Variants in CCDC85C observed in about 807,000 individuals in gnomAD.
CCDC85C encodes the protein coiled-coil domain containing 85C.
A neutral mutation model predicts 38.3 loss-of-function variants in CCDC85C; 18 were observed. That is an observed-to-expected ratio of 0.47 (90% confidence interval 0.33 to 0.70). CCDC85C has a LOEUF of 0.70. Ranked by LOEUF, CCDC85C falls within the 30% of genes least tolerant of loss-of-function variation. The pLI, the probability that CCDC85C is intolerant of heterozygous loss-of-function variation, is 0.03. For synonymous variants in CCDC85C, 264 were observed against 293.8 expected (o/e 0.90, Z 1.04); for missense variants, 566 against 621.2 (o/e 0.91, Z 0.94).
intron 1 of CCDC85C, among the ~76,000 whole-genome samples, chr14:99,592,759 C>T (rs184728519): frequency 6.6e-6 from 1 of 152,276 alleles, no homozygotes; most frequent in Admixed American, 6.5e-5. Flanking sequence ...CTCTGTGTTG[C>T]TTTGGACCAG....
At position 99,603,442 on chromosome 14, in the gene CCDC85C, C is replaced by A; in HGVS notation, c.518G>T (p.Gly173Val). 1 of 1,269,138 alleles carries A rather than the reference C, an allele frequency of 7.9e-7. No homozygotes were observed. The allele number at this position is 1,269,138 out of a possible 1,614,324, so 78.6% of individuals were successfully genotyped here. The change falls in exon 1 of 6, where the codon GGC becomes GTC. Residue 173 changes from glycine (G) to valine (V), a missense_variant. Coordinates refer to ENST00000380243, the MANE Select transcript of CCDC85C (RefSeq NM_001144995.2). The surrounding 1 kb of genome is among the most constrained non-coding windows in gnomAD (Gnocchi z 7.5). ...GTCGATGGAGCTGCGGGAGCCGGCG[C>A]CGCCCCCGCCGCCGCCGCCACCGCT... Reference protein sequence around the residue: ...AASGGGGGGGGAGSRSSIDSQ... With the variant: ...AASGGGGGGGVAGSRSSIDSQ...
In CCDC85C at chr14:99,548,302, G is replaced by C. The variant is rs904878244; in HGVS notation, c.794-12214C>G. On this transcript the variant is annotated intron_variant, in intron 1 of 5. Coordinates refer to ENST00000380243, the MANE Select transcript of CCDC85C (RefSeq NM_001144995.2). The surrounding 1 kb of genome is among the most constrained non-coding windows in gnomAD (Gnocchi z 4.9). ...CCTGGATAGCCAAGAAGTCTGTGAGGAGACGCCCAACCGCAGGTGTCATCA... is the reference window on the plus strand; with the variant it reads ...CCTGGATAGCCAAGAAGTCTGTGAGCAGACGCCCAACCGCAGGTGTCATCA... Among the ~76,000 whole-genome samples the C allele has an allele frequency of 6.6e-6, 1 of 152,142 alleles. No individual in the cohort carries two copies. The highest frequency in any genetic ancestry group is 2.4e-5 in the African/African-American group (1 of 41,420).
In CCDC85C at chr14:99,558,916, AC is replaced by A. The variant is rs1362075194; in HGVS notation, c.794-22829del. Among the ~76,000 whole-genome samples the A allele has an allele frequency of 1.3e-5, 2 of 150,690 alleles. No homozygotes were observed. The highest frequency in any genetic ancestry group is 3.0e-5 in the Non-Finnish European group (2 of 67,688). The stretch of plus-strand genomic sequence containing the variant: ...GGGTGGTTTCTGATGGTTTAGTGCC[AC>A]CCCCTATTGCTGTTCTTGTGATACA... On this transcript the variant is annotated intron_variant, in intron 1 of 5. Coordinates refer to ENST00000380243, the MANE Select transcript of CCDC85C (RefSeq NM_001144995.2). The surrounding 1 kb of genome is among the most constrained non-coding windows in gnomAD (Gnocchi z 4.2).
At chr14:99,539,666 A>G (rs576548420) in intron 1 of CCDC85C, among the ~76,000 whole-genome samples, 4 of 152,324 alleles carry the variant, frequency 2.6e-5, no homozygotes, top group African/African-American at 9.6e-5. Flanking sequence ...ACACAAAATG[A>G]CATGCACAAT....
Position 99,500,913 on chromosome 14 carries a change from C to A in CCDC85C, c.*14333G>T. ...CAGAAGAATTTTTTCATTCTGAAAT[C>A]AAGTCTTTATAATTTGATGACACTC... On this transcript the variant is annotated 3_prime_UTR_variant, in exon 6 of 6. Transcript: ENST00000380243. The A allele has an allele frequency of 3.3e-6, 4 of 1,218,414 alleles. No homozygotes were observed. In the South Asian group the frequency reaches 4.1e-5, roughly 13 times the overall value. 75.5% of individuals were successfully genotyped at this position (1,218,414 alleles called of 1,614,324 possible).
rs559873312 is a variant in CCDC85C, at chr14:99,510,799, C to G, written c.*4447G>C. 29 of 1,414,160 alleles carry G rather than the reference C, an allele frequency of 2.1e-5. No individual in the cohort carries two copies. The South Asian group carries it at 3.1e-4, about 15-fold the overall frequency. The allele number at this position is 1,414,160 out of a possible 1,614,324, so 87.6% of individuals were successfully genotyped here. On this transcript the variant is annotated 3_prime_UTR_variant, in exon 6 of 6. Coordinates refer to ENST00000380243, the MANE Select transcript of CCDC85C (RefSeq NM_001144995.2). ...ATGAGATAACGTGAGCCTTTTTTCCCTCTTTGTTTTTTTAACAAGATTTTC... is the reference window on the plus strand; with the variant it reads ...ATGAGATAACGTGAGCCTTTTTTCCGTCTTTGTTTTTTTAACAAGATTTTC...
Position 99,509,130 on chromosome 14 carries a change from A to G in CCDC85C, c.*6116T>C, listed in dbSNP as rs959413865. ...TGCCAATGGCCACGTCTACCCAACC[A>G]GGATGTCGTGCTGTGCCTTGCCTAA... On this transcript the variant is annotated 3_prime_UTR_variant, in exon 6 of 6. Transcript: ENST00000380243. 6.6e-6 allele frequency: 1 copy of G among 152,240 alleles called. No individual in the cohort carries two copies. The highest frequency in any genetic ancestry group is 2.4e-5 in the African/African-American group (1 of 41,452). 9.4% of individuals were successfully genotyped at this position (152,240 alleles called of 1,614,324 possible).
At chr14:99,549,632 C>T (rs140373470) in intron 1 of CCDC85C, among the ~76,000 whole-genome samples, 116 of 152,294 alleles carry the variant, frequency 7.6e-4, no homozygotes, top group Non-Finnish European at 9.1e-4. Flanking sequence ...GGGTCTCCTG[C>T]GAGACACTGT....
rs538149762 is a variant in CCDC85C at position 99,518,365 on chromosome 14, G to A, written c.976-1182C>T. ...AGGGGGCCTGGGAGCTGCTACCTCC[G>A]GAGGCCCCCCGAGCCCTGGGGTCTA... On this transcript the variant is annotated intron_variant, in intron 3 of 5. Coordinates refer to ENST00000380243, the MANE Select transcript of CCDC85C (RefSeq NM_001144995.2). Among the ~76,000 whole-genome samples, 23 of 152,158 alleles carry A rather than the reference G, an allele frequency of 1.5e-4. No homozygotes were observed. In the East Asian group the frequency reaches 3.7e-3, roughly 24 times the overall value.
rs1452073264 is a variant in CCDC85C, at chr14:99,501,974, G to A, written c.*13272C>T. 5.1e-6 allele frequency: 2 copies of A among 389,144 alleles called. No homozygotes were observed. Among genetic ancestry groups the A allele is most frequent in the South Asian group, 4.9e-5 (1 of 20,214 alleles). 24.1% of individuals were successfully genotyped at this position (389,144 alleles called of 1,614,324 possible). A position where few individuals can be genotyped will look rare whatever the true frequency, so the allele number is the denominator to read the frequency against. On this transcript the variant is annotated 3_prime_UTR_variant, in exon 6 of 6. Transcript: ENST00000380243. Reference sequence around the variant, plus strand: ...TTCATTGGTGTAGCAATTTTTGGATGTGCTAGAATTCTTCTGATTCTTTAA... The same window carrying A: ...TTCATTGGTGTAGCAATTTTTGGATATGCTAGAATTCTTCTGATTCTTTAA...
In CCDC85C at chr14:99,506,663, TG is replaced by T. The variant is rs1896983771; in HGVS notation, c.*8582del. Reference sequence around the variant, plus strand: ...GAATGAAAAGATAGAGATTCTCTTGTGGAACCCTCAGGGGACTCAGTGACAT... The same window carrying T: ...GAATGAAAAGATAGAGATTCTCTTGTGAACCCTCAGGGGACTCAGTGACAT... On this transcript the variant is annotated 3_prime_UTR_variant, in exon 6 of 6. Transcript: ENST00000380243. 1 of 170,584 alleles carries T rather than the reference TG, an allele frequency of 5.9e-6. No individual in the cohort carries two copies. Among genetic ancestry groups the T allele is most frequent in the Non-Finnish European group, 1.3e-5 (1 of 78,550 alleles). 10.6% of individuals were successfully genotyped at this position (170,584 alleles called of 1,614,324 possible).
chr14:99,500,570 T>C lies in CCDC85C; in HGVS notation c.*14676A>G, dbSNP rs1315716285. ...TTTACATTACACCTCTGCTTTGTCT[T>C]CCTGTTTGAGATCTTTTCAGAATTT... On this transcript the variant is annotated 3_prime_UTR_variant, in exon 6 of 6. Coordinates refer to ENST00000380243, the MANE Select transcript of CCDC85C (RefSeq NM_001144995.2). The C allele has an allele frequency of 1.8e-6, 1 of 555,978 alleles. No individual in the cohort carries two copies. The highest frequency in any genetic ancestry group is 3.2e-6 in the Non-Finnish European group (1 of 315,804). The allele number at this position is 555,978 out of a possible 1,614,324, so 34.4% of individuals were successfully genotyped here. A position where few individuals can be genotyped will look rare whatever the true frequency, so the allele number is the denominator to read the frequency against.
At position 99,548,383 on chromosome 14, in the gene CCDC85C, G is replaced by A. The variant is rs1390267763; in HGVS notation, c.794-12295C>T. 6.6e-6 allele frequency among the ~76,000 whole-genome samples: 1 copy of A among 152,130 alleles called. No individual in the cohort carries two copies. The highest frequency in any genetic ancestry group is 2.4e-5 in the African/African-American group (1 of 41,416). ...CTGGATTGGCGGAGAGTAAAAAGTGGTCATGCTGTGTGACGGTGCACACGT... is the reference window on the plus strand; with the variant it reads ...CTGGATTGGCGGAGAGTAAAAAGTGATCATGCTGTGTGACGGTGCACACGT... On this transcript the variant is annotated intron_variant, in intron 1 of 5. Coordinates refer to ENST00000380243, the MANE Select transcript of CCDC85C (RefSeq NM_001144995.2). This position sits in a 1 kb window ranked among gnomAD's most constrained non-coding sequence, Gnocchi z 4.9.
Position 99,502,800 on chromosome 14 carries a change from C to T in CCDC85C, c.*12446G>A. On this transcript the variant is annotated 3_prime_UTR_variant, in exon 6 of 6. Coordinates refer to ENST00000380243, the MANE Select transcript of CCDC85C (RefSeq NM_001144995.2). ...CACACCCCCCATCAGCTGCAACAGCCCCCATCTCTTCAGCCTACACCACAA... is the reference window on the plus strand; with the variant it reads ...CACACCCCCCATCAGCTGCAACAGCTCCCATCTCTTCAGCCTACACCACAA... 6.2e-7 allele frequency: 1 copy of T among 1,613,774 alleles called. No individual in the cohort carries two copies. The highest frequency in any genetic ancestry group is 1.1e-5 in the South Asian group (1 of 91,060).
rs1897848900 is a variant in CCDC85C, at chr14:99,548,550, C to T, written c.794-12462G>A. ...CAACGAGACAGGCACAAGACCGTGT[C>T]TGCCAACACCAGCTGTACTAGTGAA... On this transcript the variant is annotated intron_variant, in intron 1 of 5. Transcript: ENST00000380243. This position sits in a 1 kb window ranked among gnomAD's most constrained non-coding sequence, Gnocchi z 4.9. Among the ~76,000 whole-genome samples, 1 of 151,900 alleles carries T rather than the reference C, an allele frequency of 6.6e-6. No individual in the cohort carries two copies. The highest frequency in any genetic ancestry group is 1.5e-5 in the Non-Finnish European group (1 of 67,992).
intron 1 of CCDC85C, among the ~76,000 whole-genome samples, chr14:99,568,246 C>CTTTT (rs776784723): frequency 0.03 from 3,440 of 113,968 alleles, 594 homozygotes; most frequent in African/African-American, 0.084. Flanking sequence ...GCCACCTGCC[C>CTTTT]TTTATTTTTT....
chr14:99,578,952 C>T (rs1356998999), intron 1 of CCDC85C, among the ~76,000 whole-genome samples: 3 of 152,220 alleles, frequency 2.0e-5, no homozygotes, highest in Non-Finnish European at 4.4e-5. Flanking sequence ...CCTCCATCCA[C>T]AAGCCCTGCT....
rs191758429 is a variant in CCDC85C, at chr14:99,535,318, C to T, written c.867+697G>A. ...ACGAGGGCTCGGAGGCTTGGGGGAG[C>T]GAGCGGCTTGAGAGGTCGCCAAGCC... is the stretch of plus-strand genomic sequence containing the variant. On this transcript the variant is annotated intron_variant, in intron 2 of 5. Coordinates refer to ENST00000380243, the MANE Select transcript of CCDC85C (RefSeq NM_001144995.2). This position sits in a 1 kb window ranked among gnomAD's most constrained non-coding sequence, Gnocchi z 5.5. 2.6e-5 allele frequency among the ~76,000 whole-genome samples: 4 copies of T among 152,256 alleles called. No individual in the cohort carries two copies. The highest frequency in any genetic ancestry group is 4.8e-5 in the African/African-American group (2 of 41,548).
In CCDC85C at chr14:99,553,848, G is replaced by C. The variant is rs192392349; in HGVS notation, c.794-17760C>G. 2.2e-3 allele frequency among the ~76,000 whole-genome samples: 338 copies of C among 152,284 alleles called. 6 individuals carry two copies. Among genetic ancestry groups the C allele is most frequent in the Non-Finnish European group, 2.6e-4 (18 of 68,008 alleles). On this transcript the variant is annotated intron_variant, in intron 1 of 5. Coordinates refer to ENST00000380243, the MANE Select transcript of CCDC85C (RefSeq NM_001144995.2). ...GAGGCTGAGGGCAGGGTCCACCCAC[G>C]GGAACAGCTCCCCTGAGCTGTGCTG...
Sources: allele counts gnomAD v4.1 joint callset (sites outside exome capture counted in the v4.1 genomes callset), GRCh38; gene constraint gnomAD v4.1.1; non-coding constraint Gnocchi (gnomAD v3.1); transcripts MANE v1.5; gene names NCBI Gene and HGNC (gene_info 2026-07-23, HGNC 2026-07-21).